Variants in SYNE1 observed in about 807,000 individuals in gnomAD.
SYNE1 encodes the protein spectrin repeat containing nuclear envelope protein 1.
A neutral mutation model predicts 1,111.0 loss-of-function variants in SYNE1; 616 were observed. The observed-to-expected ratio is 0.55, with a 90% CI of 0.52 to 0.59. The LOEUF is 0.59. Among genes scored for constraint, SYNE1 ranks in the 20% least tolerant of loss-of-function variants. SYNE1 has a pLI of 0.00. For synonymous variants in SYNE1, 3,855 were observed against 3,825.8 expected (o/e 1.01, Z -0.28); for missense variants, 10,006 against 10,417.0 (o/e 0.96, Z 1.72).
At chr6:152,157,133 C>T (rs2061533998) in intron 131 of SYNE1, among the ~76,000 whole-genome samples, 1 of 152,114 alleles carries the variant, frequency 6.6e-6, no homozygotes, top group Non-Finnish European at 1.5e-5. Context: ...AGCTGATTTG[C>T]ATTCTTTTTT....
rs115590733 is a variant in SYNE1 at position 152,302,277 on chromosome 6, C to G, written c.17347-214G>C. The G allele has an allele frequency of 3.7e-3, 2,314 of 628,308 alleles. 41 individuals carry two copies. The African/African-American group carries it at 0.037, about 10-fold the overall frequency. The allele number at this position is 628,308 out of a possible 1,614,324, so 38.9% of individuals were successfully genotyped here. A position where few individuals can be genotyped will look rare whatever the true frequency, so the allele number is the denominator to read the frequency against. On this transcript the variant is annotated intron_variant, in intron 91 of 145. Coordinates refer to ENST00000367255, the MANE Select transcript of SYNE1 (RefSeq NM_182961.4). ...CGCAGGCACAGCCAAAGTGCCCGAGCCCGCGTCCCCGCGTCGGTACAAAAG... is the reference window on the plus strand; with the variant it reads ...CGCAGGCACAGCCAAAGTGCCCGAGGCCGCGTCCCCGCGTCGGTACAAAAG...
intron 30 of SYNE1, 112 bp downstream of exon 30, chr6:152,444,299 C>A: frequency 4.9e-6 from 6 of 1,228,370 alleles, no homozygotes; most frequent in Non-Finnish European, 7.1e-6. Context: ...TCTTCCTTCC[C>A]ATGCCCCCTC....
rs761902124 is a variant in SYNE1, at chr6:152,391,503, T to G, written c.7778A>C (p.Gln2593Pro). Residue 2593 changes from glutamine (Q) to proline (P), a missense_variant, in exon 52 of 146, where the codon CAG becomes CCG. Gln to Pro is a moderately conservative substitution (Grantham distance 76). Coordinates refer to ENST00000367255, the MANE Select transcript of SYNE1 (RefSeq NM_182961.4). ...LLSEEGHGAG[Q>P]EGRLCSQLLT... is the part of the protein sequence containing the mutation. ...GAGCTGGGAACACAGGCGGCCCTCC[T>G]GCCCAGCACCGTGGCCTTCTTCACT... The G allele has an allele frequency of 6.2e-7, 1 of 1,607,876 alleles. No individual in the cohort carries two copies. The highest frequency in any genetic ancestry group is 8.5e-7 in the Non-Finnish European group (1 of 1,178,184).
chr6:152,372,177 C>T (rs1417530037), intron 59 of SYNE1, among the ~76,000 whole-genome samples: 3 of 152,146 alleles, frequency 2.0e-5, no homozygotes, highest in Admixed American at 1.3e-4. Context: ...ATAGCATTAA[C>T]GATCCCTGAA....
chr6:152,424,641 A>G (rs1027845764), intron 39 of SYNE1, among the ~76,000 whole-genome samples: 6 of 152,140 alleles, frequency 3.9e-5, no homozygotes, highest in African/African-American at 1.4e-4. Context: ...CCTGATATAT[A>G]TTTGTTGATT....
intron 131 of SYNE1, among the ~76,000 whole-genome samples, chr6:152,158,599 A>G (rs1051839056): frequency 1.3e-5 from 2 of 152,204 alleles, no homozygotes; most frequent in Non-Finnish European, 2.9e-5. Flanking sequence ...CTTCACTTAC[A>G]TGAAACAATA....
Position 152,387,211 on chromosome 6 carries a change from G to T in SYNE1, c.8348C>A (p.Ala2783Glu). ...GTGAAGGGCTCTCGTGTGATCTTCT[G>T]CCTCAGACAGGATGGACTGGAGGTG... ...LDHLQSILSE[A>E]EDHTRALHRL... The change falls in exon 54 of 146, where the codon GCA becomes GAA. Residue 2783 changes from alanine to glutamate, a missense_variant. This residue lies in a region of SYNE1 where 4,955 missense variants were observed against 5,017.2 expected (regional missense o/e 0.99). Coordinates refer to ENST00000367255, the MANE Select transcript of SYNE1 (RefSeq NM_182961.4). 6.2e-7 allele frequency: 1 copy of T among 1,614,118 alleles called. No homozygotes were observed. Among genetic ancestry groups the T allele is most frequent in the Non-Finnish European group, 8.5e-7 (1 of 1,180,004 alleles).
In SYNE1 at chr6:152,244,597, C is replaced by T. The variant is rs1355110632; in HGVS notation, c.19632G>A (p.Lys6544=). Residue 6544 remains lysine, a synonymous_variant, in exon 106 of 146, where the codon AAG becomes AAA. Coordinates refer to ENST00000367255, the MANE Select transcript of SYNE1 (RefSeq NM_182961.4). The part of the protein sequence containing the change: ...KEFDAGIIEL[K]RRGDKLQVEQ... ...CGACCTGTAGCTTGTCACCACGCCTCTTTAATTCAATGATTCCTGCATCAA... is the reference window on the plus strand; with the variant it reads ...CGACCTGTAGCTTGTCACCACGCCTTTTTAATTCAATGATTCCTGCATCAA... 1 of 1,614,090 alleles carries T rather than the reference C, an allele frequency of 6.2e-7. No individual in the cohort carries two copies.
intron 128 of SYNE1, among the ~76,000 whole-genome samples, chr6:152,183,660 C>T (rs1281201045): frequency 6.6e-6 from 1 of 152,198 alleles, no homozygotes; most frequent in Admixed American, 6.5e-5. Flanking sequence ...ACTCCTTACA[C>T]TGCCCCCGAA....
Position 152,365,004 on chromosome 6 carries a change from T to A in SYNE1, c.9988A>T (p.Lys3330Ter). ...TTCATCTGAATCTCTTTTTCCTGTT[T>A]GACTGATAATAGAGCCTGTGAAAAC... ...TLKLEALLSV[K>*]QEKEIQMKMI... The change falls in exon 63 of 146, where the codon AAA becomes TAA. Residue 3330 changes from lysine to a stop codon, truncating the protein, a stop_gained. Transcript: ENST00000367255. LOFTEE classifies it high-confidence loss of function. 2 of 1,614,238 alleles carry A rather than the reference T, an allele frequency of 1.2e-6. No individual in the cohort carries two copies. Among genetic ancestry groups the A allele is most frequent in the Non-Finnish European group, 1.7e-6 (2 of 1,180,032 alleles).
At chr6:152,379,956 C>A (rs1178240297) in intron 56 of SYNE1, among the ~76,000 whole-genome samples, 1 of 152,130 alleles carries the variant, frequency 6.6e-6, no homozygotes. Flanking sequence ...CTGATTTTTT[C>A]ATATTATACC....
intron 96 of SYNE1, 102 bp downstream of exon 96, chr6:152,283,876 G>A (rs2094172215): frequency 2.0e-6 from 2 of 1,004,972 alleles, no homozygotes; most frequent in Admixed American, 1.9e-5. Flanking sequence ...TTAGGAGAGG[G>A]AAGCAATGAA....
rs370349772 is a variant in SYNE1 at position 152,264,162 on chromosome 6, TTGCACCAC to T, written c.18816-1982_18816-1975del. ...AAGCAGATGTTGTGGTGAGCTGAGATTGCACCACTGTACTCTTCTTGGTGACAGAGCAA... is the reference window on the plus strand; with the variant it reads ...AAGCAGATGTTGTGGTGAGCTGAGATTGTACTCTTCTTGGTGACAGAGCAA... On this transcript the variant is annotated intron_variant, in intron 100 of 145. Coordinates refer to ENST00000367255, the MANE Select transcript of SYNE1 (RefSeq NM_182961.4). 9.9e-3 allele frequency among the ~76,000 whole-genome samples: 1,302 copies of T among 131,570 alleles called. 13 individuals carry two copies. Among genetic ancestry groups the T allele is most frequent in the Middle Eastern group, 0.083 (15 of 180 alleles). 86.3% of individuals were successfully genotyped at this position (131,570 alleles called of 152,430 possible).
rs2085922901 is a variant in SYNE1, at chr6:152,242,336, A to G, written c.19797T>C (p.Ala6599=). 1 of 1,613,986 alleles carries G rather than the reference A, an allele frequency of 6.2e-7. No individual in the cohort carries two copies. The highest frequency in any genetic ancestry group is 1.3e-5 in the African/African-American group (1 of 74,904). ...TCTCCTGACCAGTTTCTAGCAGGTC[A>G]GCCAGATCTTGTAGGGCCCTCTCAT... ...SQYERALQDL[A]DLLETGQEKM... Residue 6599 remains alanine, a synonymous_variant, in exon 107 of 146, where the codon GCT becomes GCC. Transcript: ENST00000367255.
intron 143 of SYNE1, 21 bp downstream of exon 143, chr6:152,133,255 T>C: frequency 1.2e-6 from 2 of 1,608,088 alleles, no homozygotes; most frequent in Non-Finnish European, 1.7e-6. Context: ...TGCTACACGA[T>C]GATGTCTGTT....
At position 152,154,856 on chromosome 6, in the gene SYNE1, C is replaced by T. The variant is rs758716558; in HGVS notation, c.24129+36G>A. The T allele has an allele frequency of 1.7e-5, 27 of 1,613,048 alleles. No homozygotes were observed. In the South Asian group the frequency reaches 3.0e-4, roughly 18 times the overall value. On this transcript the variant is annotated intron_variant, in intron 133 of 145. Coordinates refer to ENST00000367255, the MANE Select transcript of SYNE1 (RefSeq NM_182961.4). The stretch of plus-strand genomic sequence containing the variant: ...AACTACCAGCTGGCTACTTTAATAG[C>T]AAAATAAGGATTAAAAATTTGGAAT...
chr6:152,180,402 T>C (rs1443451198), intron 128 of SYNE1, 108 bp from the exon 129 acceptor site: 1 of 1,085,650 alleles, frequency 9.2e-7, no homozygotes. Flanking sequence ...TAGTCATACA[T>C]CTTTTTAGCC....
chr6:152,206,861 A>G (rs1308442809), intron 125 of SYNE1, among the ~76,000 whole-genome samples: 1 of 152,134 alleles, frequency 6.6e-6, no homozygotes, highest in Non-Finnish European at 1.5e-5. Flanking sequence ...CAGTGGCTGG[A>G]GTGTGGATGG....
At chr6:152,609,181 G>A (rs767142871) in intron 3 of SYNE1, among the ~76,000 whole-genome samples, 10 of 152,076 alleles carry the variant, frequency 6.6e-5, no homozygotes, top group Admixed American at 1.3e-4. Flanking sequence ...GCCTCACCTC[G>A]GAAGTGCAAG....
Sources: gnomAD v4.1 joint callset for allele counts (sites outside exome capture counted in the v4.1 genomes callset) on GRCh38, gnomAD v4.1.1 for gene constraint, gnomAD v4.1.1 regional missense constraint, MANE v1.5 for transcripts, NCBI Gene and HGNC (gene_info 2026-07-23, HGNC 2026-07-21) for gene names.